TOP1: variants seen among roughly 807,000 people sequenced by gnomAD.
TOP1 encodes the protein DNA topoisomerase I.
A neutral mutation model predicts 111.1 loss-of-function variants in TOP1; 10 were observed. The observed-to-expected ratio is 0.09, with a 90% CI of 0.06 to 0.15. The LOEUF is 0.15. Among genes scored for constraint, TOP1 ranks in the 10% least tolerant of loss-of-function variants. The pLI is 1.00. For synonymous variants in TOP1, 271 were observed against 302.9 expected, an observed-to-expected ratio of 0.89 and a Z score of 1.10; for missense variants, 474 against 926.7, an observed-to-expected ratio of 0.51 and a Z score of 6.34.
chr20:41,059,101 A>G (rs111445538), intron 2 of TOP1, among the ~76,000 whole-genome samples: 10,258 of 152,124 alleles, frequency 0.067, 486 homozygotes, highest in Middle Eastern at 0.13. Context: ...TCTCACTTAT[A>G]AGTGGGAGCT....
Position 41,121,975 on chromosome 20 carries a change from C to T in TOP1, c.2046-31C>T, listed in dbSNP as rs368435418. ...GTGTGCTCTTGTCTAGAGCCCAGGC[C>T]TGGTTCTTGAGGACTTTGCTATTCT... On this transcript the variant is annotated intron_variant, in intron 19 of 20. Coordinates refer to ENST00000361337, the MANE Select transcript of TOP1 (RefSeq NM_003286.4). The surrounding 1 kb of genome is among the most constrained non-coding windows in gnomAD (Gnocchi z 4.2). 20 of 1,612,422 alleles carry T rather than the reference C, an allele frequency of 1.2e-5. No homozygotes were observed. Among genetic ancestry groups the T allele is most frequent in the South Asian group, 4.4e-5 (4 of 90,908 alleles).
rs1017622069 is a variant in TOP1, at chr20:41,058,587, G to A, written c.59-2807G>A. ...ACTGGCCTCCCCCAGAGCAAGGAGA[G>A]AGCAGGAAGGAAGATCTAATACCTT... On this transcript the variant is annotated intron_variant, in intron 2 of 20. Transcript: ENST00000361337. This position sits in a 1 kb window ranked among gnomAD's most constrained non-coding sequence, Gnocchi z 4.2. Among the ~76,000 whole-genome samples the A allele has an allele frequency of 4.6e-5, 7 of 152,204 alleles. No individual in the cohort carries two copies. The highest frequency in any genetic ancestry group is 3.9e-4 in the Admixed American group (6 of 15,278).
At position 41,121,902 on chromosome 20, in the gene TOP1, A is replaced by G. The variant is rs571236541; in HGVS notation, c.2046-104A>G. ...GGTTTCTGAGAAATGTCTTTTGGAA[A>G]TCTCTATACTAGGGCTTTTATTGAC... On this transcript the variant is annotated intron_variant, in intron 19 of 20. Transcript: ENST00000361337. This position sits in a 1 kb window ranked among gnomAD's most constrained non-coding sequence, Gnocchi z 4.2. The G allele has an allele frequency of 4.4e-5, 68 of 1,560,986 alleles. No individual in the cohort carries two copies. Among genetic ancestry groups the G allele is most frequent in the Non-Finnish European group, 5.9e-5 (67 of 1,144,172 alleles).
intron 3 of TOP1, among the ~76,000 whole-genome samples, chr20:41,066,976 G>T (rs1021883332): frequency 2.6e-5 from 4 of 152,060 alleles, no homozygotes; most frequent in Non-Finnish European, 5.9e-5. Context: ...CTAGCCCTTG[G>T]TTTCTTATTC....
At position 41,121,735 on chromosome 20, in the gene TOP1, G is replaced by A; in HGVS notation, c.1990G>A (p.Asp664Asn). 6.2e-7 allele frequency: 1 copy of A among 1,614,148 alleles called. No individual in the cohort carries two copies. ...GGAACAGCTAGCAGATGCCCGGAGA[G>A]ACCTGAAAAGTGCTAAGGCTGATGC... ...KKEQLADARR[D>N]LKSAKADAKV... The change falls in exon 19 of 21, where the codon GAC becomes AAC. Residue 664 changes from aspartate to asparagine, a missense_variant. By Grantham distance (23) the Asp-to-Asn change is conservative. Transcript: ENST00000361337. The surrounding 1 kb of genome is among the most constrained non-coding windows in gnomAD (Gnocchi z 4.2).
At position 41,123,797 on chromosome 20, in the gene TOP1, C is replaced by T. The variant is rs1460826883; in HGVS notation, c.*500C>T. ...AAAAACCCAGCGCACCTGTTAGAGT[C>T]GTCACTCTCTATTGTCATGGGGATC... is the stretch of plus-strand genomic sequence containing the variant. On this transcript the variant is annotated 3_prime_UTR_variant, in exon 21 of 21. Coordinates refer to ENST00000361337, the MANE Select transcript of TOP1 (RefSeq NM_003286.4). The surrounding 1 kb of genome is among the most constrained non-coding windows in gnomAD (Gnocchi z 5.8). 1.3e-5 allele frequency: 3 copies of T among 232,510 alleles called. No homozygotes were observed. Among genetic ancestry groups the T allele is most frequent in the Non-Finnish European group, 2.6e-5 (3 of 117,532 alleles). The allele number at this position is 232,510 out of a possible 1,614,324, so 14.4% of individuals were successfully genotyped here.
rs762996719 is a variant in TOP1 at position 41,069,926 on chromosome 20, A to G, written c.156-6245A>G. Reference sequence around the variant, plus strand: ...CATAAGCAAAACATAGAGGCATTGTAGTATATGCTTTGTTCTGGGAGGAAT... The same window carrying G: ...CATAAGCAAAACATAGAGGCATTGTGGTATATGCTTTGTTCTGGGAGGAAT... On this transcript the variant is annotated intron_variant, in intron 3 of 20. Coordinates refer to ENST00000361337, the MANE Select transcript of TOP1 (RefSeq NM_003286.4). This position sits in a 1 kb window ranked among gnomAD's most constrained non-coding sequence, Gnocchi z 4.1. 3.3e-5 allele frequency among the ~76,000 whole-genome samples: 5 copies of G among 152,234 alleles called. No homozygotes were observed. Among genetic ancestry groups the G allele is most frequent in the Non-Finnish European group, 5.9e-5 (4 of 68,046 alleles).
rs186820377 is a variant in TOP1, at chr20:41,047,436, C to T, written c.59-13958C>T. On this transcript the variant is annotated intron_variant, in intron 2 of 20. Transcript: ENST00000361337. ...AACAGGCTATACCATATAGCCTAGG[C>T]GGTAGTAGGCTATACCATCTAGGTT... Among the ~76,000 whole-genome samples the T allele has an allele frequency of 1.5e-3, 227 of 152,234 alleles. 1 individual carries two copies. The highest frequency in any genetic ancestry group is 4.2e-3 in the Admixed American group (64 of 15,300).
In TOP1 at chr20:41,110,352, T is replaced by G. The variant is rs553133637; in HGVS notation, c.1309-2430T>G. Reference sequence around the variant, plus strand: ...ATTGTATGATTCTATTTATATAATCTAGACTAGGCAAAATTTATCCATGAT... The same window carrying G: ...ATTGTATGATTCTATTTATATAATCGAGACTAGGCAAAATTTATCCATGAT... On this transcript the variant is annotated intron_variant, in intron 13 of 20. Coordinates refer to ENST00000361337, the MANE Select transcript of TOP1 (RefSeq NM_003286.4). The surrounding 1 kb of genome is among the most constrained non-coding windows in gnomAD (Gnocchi z 4.2). Among the ~76,000 whole-genome samples, 55 of 152,332 alleles carry G rather than the reference T, an allele frequency of 3.6e-4. No individual in the cohort carries two copies. The highest frequency in any genetic ancestry group is 6.5e-4 in the Non-Finnish European group (44 of 68,034).
chr20:41,093,888 T>A (rs2033949853), intron 9 of TOP1, among the ~76,000 whole-genome samples: 1 of 152,016 alleles, frequency 6.6e-6, no homozygotes, highest in Non-Finnish European at 1.5e-5. Context: ...ATTTGTTTTT[T>A]AAAATGCCAT....
At position 41,076,072 on chromosome 20, in the gene TOP1, T is replaced by C. The variant is rs563651041; in HGVS notation, c.156-99T>C. On this transcript the variant is annotated intron_variant, in intron 3 of 20. Coordinates refer to ENST00000361337, the MANE Select transcript of TOP1 (RefSeq NM_003286.4). ...CTGTCGGTACTGTTTGTTTAAGTAC[T>C]GTAAGTTTCCACGGTTCATGTTATC... 66 of 1,300,718 alleles carry C rather than the reference T, an allele frequency of 5.1e-5. No homozygotes were observed. In the African/African-American group the frequency reaches 7.3e-4, roughly 14 times the overall value. 80.6% of individuals were successfully genotyped at this position (1,300,718 alleles called of 1,614,324 possible).
In TOP1 at chr20:41,071,889, A is replaced by G. The variant is rs1194645019; in HGVS notation, c.156-4282A>G. Among the ~76,000 whole-genome samples, 2 of 152,146 alleles carry G rather than the reference A, an allele frequency of 1.3e-5. No homozygotes were observed. Among genetic ancestry groups the G allele is most frequent in the East Asian group, 3.9e-4 (2 of 5,194 alleles). ...CAGAGTTCCTCATGCCCATGGGGTAAATTCATATTTCATCCATAAGTGTGA... is the reference window on the plus strand; with the variant it reads ...CAGAGTTCCTCATGCCCATGGGGTAGATTCATATTTCATCCATAAGTGTGA... On this transcript the variant is annotated intron_variant, in intron 3 of 20. Coordinates refer to ENST00000361337, the MANE Select transcript of TOP1 (RefSeq NM_003286.4). The surrounding 1 kb of genome is among the most constrained non-coding windows in gnomAD (Gnocchi z 4.3).
chr20:41,061,521 A>G lies in TOP1; in HGVS notation c.155+31A>G, dbSNP rs1568680945. 2 of 1,552,774 alleles carry G rather than the reference A, an allele frequency of 1.3e-6. No homozygotes were observed. Among genetic ancestry groups the G allele is most frequent in the Non-Finnish European group, 1.7e-6 (2 of 1,143,990 alleles). On this transcript the variant is annotated intron_variant, in intron 3 of 20. Transcript: ENST00000361337. The surrounding 1 kb of genome is among the most constrained non-coding windows in gnomAD (Gnocchi z 4.6). Reference sequence around the variant, plus strand: ...GGTGGAATCAAGCAAGTCCCTCATCATTCAGCAGTGGGTTGGCCATTGCTT... The same window carrying G: ...GGTGGAATCAAGCAAGTCCCTCATCGTTCAGCAGTGGGTTGGCCATTGCTT...
At chr20:41,048,017 G>A (rs144907604) in intron 2 of TOP1, among the ~76,000 whole-genome samples, 28 of 151,916 alleles carry the variant, frequency 1.8e-4, no homozygotes, top group African/African-American at 6.0e-4. Flanking sequence ...TTTCAAATAG[G>A]GGTTGGAAGA....
rs1368500416 is a variant in TOP1, at chr20:41,083,372, CCT to C, written c.508-1087_508-1086del. Among the ~76,000 whole-genome samples, 1 of 152,128 alleles carries C rather than the reference CCT, an allele frequency of 6.6e-6. No individual in the cohort carries two copies. The highest frequency in any genetic ancestry group is 1.9e-4 in the East Asian group (1 of 5,194). On this transcript the variant is annotated intron_variant, in intron 7 of 20. Coordinates refer to ENST00000361337, the MANE Select transcript of TOP1 (RefSeq NM_003286.4). This position sits in a 1 kb window ranked among gnomAD's most constrained non-coding sequence, Gnocchi z 7.2. ...AAATATGGATGGTACTGTAAGCTTT[CCT>C]CTTTTTTCTATTCCTATCTTGATTG... is the stretch of plus-strand genomic sequence containing the variant.
chr20:41,107,653 T>C (rs2034168467), intron 13 of TOP1, among the ~76,000 whole-genome samples: 1 of 152,234 alleles, frequency 6.6e-6, no homozygotes, highest in Admixed American at 6.5e-5. Flanking sequence ...TGAAAGTCTT[T>C]GTAAGATTGT....
chr20:41,029,743 C>T lies in TOP1; in HGVS notation c.58+288C>T, dbSNP rs1215959400. 9.5e-6 allele frequency: 5 copies of T among 524,444 alleles called. No individual in the cohort carries two copies. Among genetic ancestry groups the T allele is most frequent in the Middle Eastern group, 5.4e-4 (2 of 3,708 alleles). The allele number at this position is 524,444 out of a possible 1,614,324, so 32.5% of individuals were successfully genotyped here. A position where few individuals can be genotyped will look rare whatever the true frequency, so the allele number is the denominator to read the frequency against. On this transcript the variant is annotated intron_variant, in intron 2 of 20. Coordinates refer to ENST00000361337, the MANE Select transcript of TOP1 (RefSeq NM_003286.4). The surrounding 1 kb of genome is among the most constrained non-coding windows in gnomAD (Gnocchi z 6.1). The stretch of plus-strand genomic sequence containing the variant: ...CCGGGATTCCTCCCGGGAAAGTCGC[C>T]TTGTCGACGGTCGGGACTTAGTCTC...
Position 41,069,703 on chromosome 20 carries a change from G to A in TOP1, c.156-6468G>A, listed in dbSNP as rs2145931236. On this transcript the variant is annotated intron_variant, in intron 3 of 20. Transcript: ENST00000361337. This position sits in a 1 kb window ranked among gnomAD's most constrained non-coding sequence, Gnocchi z 4.1. ...CATGCAGATAAATTGGAGCTCTTGA[G>A]TTTGGTAGTTGAATCTAATTCAGTA... Among the ~76,000 whole-genome samples the A allele has an allele frequency of 6.6e-6, 1 of 152,328 alleles. No homozygotes were observed. Among genetic ancestry groups the A allele is most frequent in the South Asian group, 2.1e-4 (1 of 4,832 alleles).
At position 41,122,628 on chromosome 20, in the gene TOP1, T is replaced by C. The variant is rs926590081; in HGVS notation, c.2195+473T>C. 5.3e-5 allele frequency among the ~76,000 whole-genome samples: 8 copies of C among 152,148 alleles called. No individual in the cohort carries two copies. The highest frequency in any genetic ancestry group is 8.8e-5 in the Non-Finnish European group (6 of 68,016). ...TTAACAAAAGCAGATAAATACTAGG[T>C]TTCTCTGTGTGTCACACACAGTGTC... On this transcript the variant is annotated intron_variant, in intron 20 of 20. Transcript: ENST00000361337. The surrounding 1 kb of genome is among the most constrained non-coding windows in gnomAD (Gnocchi z 5.4).
Sources: allele counts gnomAD v4.1 joint callset (sites outside exome capture counted in the v4.1 genomes callset), GRCh38; gene constraint gnomAD v4.1.1; non-coding constraint Gnocchi (gnomAD v3.1); transcripts MANE v1.5; gene names NCBI Gene and HGNC (gene_info 2026-07-23, HGNC 2026-07-21).